Variants in KCNG2 observed in about 807,000 individuals in gnomAD.
KCNG2 encodes the protein voltage-gated potassium channel regulatory subunit KCNG2.
A neutral mutation model predicts 12.3 loss-of-function variants in KCNG2; 7 were observed. The observed-to-expected ratio is 0.57, with a 90% CI of 0.32 to 1.07. KCNG2 has a LOEUF of 1.07. Among genes scored for constraint, KCNG2 ranks in the 50% least tolerant of loss-of-function variants. The pLI, the probability that KCNG2 is intolerant of heterozygous loss-of-function variation, is 0.04. For missense variants in KCNG2, 703 were observed against 726.0 expected (o/e 0.97, Z 0.36); for synonymous variants, 414 against 351.4 (o/e 1.18, Z -1.99).
chr18:79,819,182 C>T (rs981105621), intron 1 of KCNG2, among the ~76,000 whole-genome samples: 5 of 152,182 alleles, frequency 3.3e-5, no homozygotes, highest in Admixed American at 2.0e-4. Flanking sequence ...CCAAGGCCGG[C>T]GAGGGCACCC....
At chr18:79,806,581 G>A (rs1015608007) in intron 1 of KCNG2, among the ~76,000 whole-genome samples, 4 of 152,198 alleles carry the variant, frequency 2.6e-5, no homozygotes, top group Non-Finnish European at 5.9e-5. Context: ...AGAATGAGAG[G>A]TTGTCTTTTA....
intron 1 of KCNG2, among the ~76,000 whole-genome samples, chr18:79,834,469 G>A (rs956619419): frequency 1.3e-5 from 2 of 152,158 alleles, no homozygotes; most frequent in African/African-American, 4.8e-5. Flanking sequence ...CCAACACCAG[G>A]TCATGGGCGA....
At chr18:79,848,922 G>A (rs550851026) in intron 1 of KCNG2, among the ~76,000 whole-genome samples, 120 of 152,308 alleles carry the variant, frequency 7.9e-4, no homozygotes, top group Non-Finnish European at 2.4e-4. Context: ...CCACGGCATA[G>A]GCTGTTAGGG....
chr18:79,813,968 G>A (rs1415542355), intron 1 of KCNG2, among the ~76,000 whole-genome samples: 1 of 152,162 alleles, frequency 6.6e-6, no homozygotes, highest in East Asian at 1.9e-4. Flanking sequence ...CTTTCACTGT[G>A]GAAAACTCAT....
intron 2 of KCNG2, among the ~76,000 whole-genome samples, chr18:79,861,117 G>A (rs146044325): frequency 1.3e-5 from 2 of 152,220 alleles, no homozygotes; most frequent in East Asian, 3.8e-4. Context: ...GCGTATTATA[G>A]TAATTTTGTG....
intron 1 of KCNG2, among the ~76,000 whole-genome samples, chr18:79,834,062 G>T (rs924995490): frequency 2.6e-5 from 4 of 152,238 alleles, no homozygotes; most frequent in African/African-American, 9.6e-5. Flanking sequence ...AGTGGCAGAG[G>T]GCGGTGCTTC....
At chr18:79,831,894 T>C (rs1378468444) in intron 1 of KCNG2, among the ~76,000 whole-genome samples, 2 of 152,174 alleles carry the variant, frequency 1.3e-5, no homozygotes, top group Non-Finnish European at 1.5e-5. Context: ...AGAACCCTGA[T>C]TTGGAGCAGC....
chr18:79,877,253 C>T lies in KCNG2; in HGVS notation c.624+12962C>T, dbSNP rs150008359. Among the ~76,000 whole-genome samples the T allele has an allele frequency of 1.4e-3, 211 of 152,122 alleles. 1 individual carries two copies. Among genetic ancestry groups the T allele is most frequent in the African/African-American group, 4.8e-3 (199 of 41,490 alleles). On this transcript the variant is annotated intron_variant, in intron 3 of 3. Coordinates refer to ENST00000316249, the MANE Select transcript of KCNG2 (RefSeq NM_012283.2). ...TATTTTCTTTCAGGTACTTAGGGAG[C>T]GAAGGGTTAAAGTCTGCGGACAGAG...
chr18:79,806,272 G>A (rs545620881), intron 1 of KCNG2, among the ~76,000 whole-genome samples: 13 of 152,008 alleles, frequency 8.6e-5, no homozygotes, highest in South Asian at 4.2e-4. Flanking sequence ...CCCCTTGAGC[G>A]TTTGTGGTCT....
rs913992101 is a variant in KCNG2 at position 79,873,433 on chromosome 18, C to G, written c.624+9142C>G. On this transcript the variant is annotated intron_variant, in intron 3 of 3. Coordinates refer to ENST00000316249, the MANE Select transcript of KCNG2 (RefSeq NM_012283.2). ...CGCTCCTGCCGGCCCCCCTCCCCCCCCCCCAGCCACCTCCTGTCAGTCTTC... is the reference window on the plus strand; with the variant it reads ...CGCTCCTGCCGGCCCCCCTCCCCCCGCCCCAGCCACCTCCTGTCAGTCTTC... Among the ~76,000 whole-genome samples the G allele has an allele frequency of 7.7e-4, 112 of 144,802 alleles. 5 individuals are homozygous for G. Among genetic ancestry groups the G allele is most frequent in the African/African-American group, 2.2e-3 (87 of 39,298 alleles). 95.0% of individuals were successfully genotyped at this position (144,802 alleles called of 152,430 possible). A position where few individuals can be genotyped will look rare whatever the true frequency, so the allele number is the denominator to read the frequency against.
At chr18:79,807,214 G>A (rs1257013910) in intron 1 of KCNG2, among the ~76,000 whole-genome samples, 2 of 152,150 alleles carry the variant, frequency 1.3e-5, no homozygotes, top group East Asian at 3.8e-4. Flanking sequence ...GGGTGGCTCA[G>A]GGATACTGGG....
At chr18:79,868,815 G>A (rs1462248726) in intron 3 of KCNG2, among the ~76,000 whole-genome samples, 2 of 152,240 alleles carry the variant, frequency 1.3e-5, no homozygotes, top group African/African-American at 2.4e-5. Context: ...ATCACTGGCT[G>A]ACCATCCCAG....
chr18:79,855,034 TTTTG>T (rs968446674), intron 1 of KCNG2, among the ~76,000 whole-genome samples: 8 of 152,164 alleles, frequency 5.3e-5, no homozygotes, highest in Non-Finnish European at 8.8e-5. Context: ...TTTTTTTGTT[TTTTG>T]TTTGTTTGTT....
intron 1 of KCNG2, among the ~76,000 whole-genome samples, chr18:79,834,948 T>C (rs953252459): frequency 1.3e-5 from 2 of 152,234 alleles, no homozygotes; most frequent in Non-Finnish European, 2.9e-5. Context: ...TTGTTTATAC[T>C]GAGTCTGTCT....
rs559750184 is a variant in KCNG2, at chr18:79,811,870, C to T, written c.-115+13856C>T. On this transcript the variant is annotated intron_variant, in intron 1 of 3. Coordinates refer to ENST00000316249, the MANE Select transcript of KCNG2 (RefSeq NM_012283.2). ...GGGGTGAACAGTAAAGGGGAGATCA[C>T]GCTGGATGGAATTAGTGAACCTGAC... is the stretch of plus-strand genomic sequence containing the variant. 1.7e-4 allele frequency among the ~76,000 whole-genome samples: 26 copies of T among 152,254 alleles called. 1 individual carries two copies. The South Asian group carries it at 5.0e-3, about 29-fold the overall frequency.
Position 79,824,456 on chromosome 18 carries a change from G to T in KCNG2, c.-115+26442G>T, listed in dbSNP as rs920681759. Among the ~76,000 whole-genome samples the T allele has an allele frequency of 2.6e-5, 4 of 152,206 alleles. No individual in the cohort carries two copies. In the South Asian group the frequency reaches 6.2e-4, roughly 24 times the overall value. ...AGTATAAGATGATCCTATCTGCAAA[G>T]AGAGACGGTTTCACCCCTTCTTTAC... On this transcript the variant is annotated intron_variant, in intron 1 of 3. Coordinates refer to ENST00000316249, the MANE Select transcript of KCNG2 (RefSeq NM_012283.2).
chr18:79,839,972 G>C (rs1199926731), intron 1 of KCNG2, among the ~76,000 whole-genome samples: 1 of 152,150 alleles, frequency 6.6e-6, no homozygotes, highest in East Asian at 1.9e-4. Context: ...GAAGTTTCTT[G>C]ACTTGATAAA....
Position 79,899,091 on chromosome 18 carries a change from G to T in KCNG2, c.676G>T (p.Val226Leu). 6.2e-7 allele frequency: 1 copy of T among 1,600,848 alleles called. No individual in the cohort carries two copies. ...RSLFVLETVC[V>L]AWFSFEFLLR... is the part of the protein sequence containing the mutation. Reference sequence around the variant, plus strand: ...CCTGTTCGTGCTGGAGACCGTGTGCGTGGCCTGGTTCTCCTTCGAGTTCCT... The same window carrying T: ...CCTGTTCGTGCTGGAGACCGTGTGCTTGGCCTGGTTCTCCTTCGAGTTCCT... The change falls in exon 4 of 4, where the codon GTG becomes TTG. Residue 226 changes from valine (V) to leucine (L), a missense_variant. Physicochemically the swap from Val to Leu is conservative, Grantham distance 32 (BLOSUM62 1). Transcript: ENST00000316249.
At chr18:79,801,056 G>A (rs573854932) in intron 1 of KCNG2, among the ~76,000 whole-genome samples, 23 of 152,292 alleles carry the variant, frequency 1.5e-4, no homozygotes, top group African/African-American at 3.6e-4. Flanking sequence ...GCGGATGTCC[G>A]GGGCGGCCAA....
Sources: allele counts gnomAD v4.1 joint callset (sites outside exome capture counted in the v4.1 genomes callset), GRCh38; gene constraint gnomAD v4.1.1; transcripts MANE v1.5; gene names NCBI Gene and HGNC (gene_info 2026-07-23, HGNC 2026-07-21).